The following PCDH15 variants were observed in gnomAD, a reference collection of about 807,000 sequenced individuals.
PCDH15 encodes protocadherin-15.
A neutral mutation model predicts 178.5 loss-of-function variants in PCDH15; 129 were observed. The ratio of observed to expected loss-of-function variants is 0.72; its 90% CI spans 0.63 to 0.84. PCDH15 has a LOEUF of 0.84. PCDH15 is among the 40% of genes least tolerant of loss of function. The pLI is 0.00. For missense variants in PCDH15, 2,230 were observed against 2,099.9 expected (o/e 1.06, Z -1.21); for synonymous variants, 800 against 732.0 (o/e 1.09, Z -1.50).
At chr10:54,857,450 A>T (rs1953760079) in intron 3 of PCDH15, among the ~76,000 whole-genome samples, 1 of 152,026 alleles carries the variant, frequency 6.6e-6, no homozygotes, top group African/African-American at 2.4e-5. Context: ...TTTGATTTAA[A>T]TACTTTTTTT....
chr10:54,429,986 T>C (rs111691417), intron 3 of PCDH15, among the ~76,000 whole-genome samples: 6 of 151,330 alleles, frequency 4.0e-5, no homozygotes, highest in Admixed American at 1.3e-4. Flanking sequence ...ACAACAAGGA[T>C]CTAATAGATA....
At chr10:54,739,590 G>A (rs968889293) in intron 1 of PCDH15, among the ~76,000 whole-genome samples, 2 of 149,562 alleles carry the variant, frequency 1.3e-5, no homozygotes, top group African/African-American at 2.4e-5. Context: ...AAATTTGTAT[G>A]GAGCCACAAA....
At chr10:54,365,437 A>T (rs979509161) in intron 5 of PCDH15, among the ~76,000 whole-genome samples, 1 of 152,060 alleles carries the variant, frequency 6.6e-6, no homozygotes, top group African/African-American at 2.4e-5. Context: ...CTGCCTCAGG[A>T]TGGTAAAAAT....
intron 20 of PCDH15, among the ~76,000 whole-genome samples, chr10:54,002,625 A>T (rs2092213210): frequency 6.6e-6 from 1 of 152,214 alleles, no homozygotes; most frequent in Non-Finnish European, 1.5e-5. Flanking sequence ...AAGAAAATTG[A>T]AAACTTTTTT....
intron 2 of PCDH15, among the ~76,000 whole-genome samples, chr10:55,147,928 T>G (rs1838576257): frequency 6.6e-6 from 1 of 151,784 alleles, no homozygotes; most frequent in African/African-American, 2.4e-5. Context: ...TTCATTTGCT[T>G]CTCCCTTGGT....
At chr10:54,959,182 A>G (rs1838576998) in intron 2 of PCDH15, among the ~76,000 whole-genome samples, 2 of 151,952 alleles carry the variant, frequency 1.3e-5, no homozygotes, top group South Asian at 2.1e-4. Context: ...AAAGGAGGAG[A>G]AAGAAAATGA....
At chr10:54,625,868 T>C (rs934576675) in intron 2 of PCDH15, among the ~76,000 whole-genome samples, 8 of 151,904 alleles carry the variant, frequency 5.3e-5, no homozygotes, top group African/African-American at 1.9e-4. Context: ...GAGAGGAAAA[T>C]GTAGGAAATT....
intron 1 of PCDH15, among the ~76,000 whole-genome samples, chr10:55,217,474 T>G (rs527615514): frequency 6.6e-6 from 1 of 151,888 alleles, no homozygotes; most frequent in Non-Finnish European, 1.5e-5. Flanking sequence ...CTGTTAAACG[T>G]TTTAAAAATG....
intron 3 of PCDH15, among the ~76,000 whole-genome samples, chr10:54,514,685 A>T (rs2082037026): frequency 6.8e-6 from 1 of 146,570 alleles, no homozygotes; most frequent in Non-Finnish European, 1.5e-5. Context: ...AAAAAAAAAC[A>T]GTTTTAACTG....
At position 55,563,482 on chromosome 10, in the gene PCDH15, T is replaced by C. The variant is rs879046171; in HGVS notation, c.-156+64143A>G. On this transcript the variant is annotated intron_variant, in intron 2 of 5. Transcript: ENST00000613346. ...ACAGCCTGCAACAATATAAACAAAA[T>C]AATAACAAAAACAGCAAGCCCTGGG... Among the ~76,000 whole-genome samples the C allele has an allele frequency of 2.0e-5, 3 of 151,084 alleles. No individual in the cohort carries two copies. The Admixed American group carries it at 2.0e-4, about 10-fold the overall frequency.
At chr10:54,123,384 G>A (rs12250085) in intron 15 of PCDH15, among the ~76,000 whole-genome samples, 4,466 of 152,096 alleles carry the variant, frequency 0.029, 241 homozygotes, top group African/African-American at 0.1. Flanking sequence ...CTTCTCAACA[G>A]AAAGGGATAC....
intron 1 of PCDH15, among the ~76,000 whole-genome samples, chr10:55,286,519 A>C (rs368583513): frequency 7.2e-4 from 107 of 149,436 alleles, no homozygotes; most frequent in African/African-American, 2.5e-3. Flanking sequence ...TTTTTGGTCT[A>C]TGTAATTTCT....
intron 1 of PCDH15, among the ~76,000 whole-genome samples, chr10:54,780,001 T>C (rs1364882950): frequency 1.3e-5 from 2 of 152,300 alleles, no homozygotes; most frequent in Non-Finnish European, 2.9e-5. Context: ...TTTGCACTTA[T>C]TCTTATAAAC....
chr10:53,975,885 G>A (rs1485414531), intron 21 of PCDH15, among the ~76,000 whole-genome samples: 2 of 152,032 alleles, frequency 1.3e-5, no homozygotes, highest in Non-Finnish European at 2.9e-5. Context: ...TTTCCTTCTA[G>A]GATTTTTATA....
chr10:55,061,245 A>G (rs1236328749), intron 2 of PCDH15, among the ~76,000 whole-genome samples: 1 of 152,230 alleles, frequency 6.6e-6, no homozygotes, highest in South Asian at 2.1e-4. Flanking sequence ...ATTTATAAAA[A>G]GCGAAAAACC....
intron 2 of PCDH15, among the ~76,000 whole-genome samples, chr10:55,475,271 C>A (rs2132111566): frequency 6.6e-6 from 1 of 152,204 alleles, no homozygotes; most frequent in African/African-American, 2.4e-5. Flanking sequence ...CATAGGGGAC[C>A]AAGTTTCCAC....
intron 2 of PCDH15, among the ~76,000 whole-genome samples, chr10:55,590,766 T>C (rs1209119998): frequency 6.6e-6 from 1 of 152,176 alleles, no homozygotes; most frequent in African/African-American, 2.4e-5. Flanking sequence ...CATCTGGTCA[T>C]ATGGTATATC....
At chr10:55,458,612 T>C (rs1472054608) in intron 2 of PCDH15, among the ~76,000 whole-genome samples, 1 of 152,080 alleles carries the variant, frequency 6.6e-6, no homozygotes, top group Non-Finnish European at 1.5e-5. Flanking sequence ...GTCAGCATTA[T>C]AGCTCTAAAA....
At chr10:55,528,384 A>G (rs1423677648) in intron 2 of PCDH15, among the ~76,000 whole-genome samples, 2 of 151,540 alleles carry the variant, frequency 1.3e-5, no homozygotes, top group Non-Finnish European at 2.9e-5. Flanking sequence ...CCCTCTCCAC[A>G]CCCCAAAACA....
Sources: gnomAD v4.1 joint callset for allele counts (sites outside exome capture counted in the v4.1 genomes callset) on GRCh38, gnomAD v4.1.1 for gene constraint, MANE v1.5 for transcripts, NCBI Gene and HGNC (gene_info 2026-07-23, HGNC 2026-07-21) for gene names.